The following PLA2G4A variants were observed in gnomAD, a reference collection of about 807,000 sequenced individuals.
PLA2G4A encodes the protein cytosolic phospholipase A2.
Under a neutral mutation model 81.9 loss-of-function variants are expected in PLA2G4A, and 40 were observed. The ratio of observed to expected loss-of-function variants is 0.49; its 90% CI spans 0.38 to 0.64. PLA2G4A has a LOEUF of 0.64. Ranked by LOEUF, PLA2G4A falls within the 30% of genes least tolerant of loss-of-function variation. PLA2G4A has a pLI of 0.00. For missense variants in PLA2G4A, 715 were observed against 905.1 expected, an observed-to-expected ratio of 0.79 and a Z score of 2.69; for synonymous variants, 302 against 296.9, an observed-to-expected ratio of 1.02 and a Z score of -0.18.
At chr1:186,953,554 T>G (rs1476148672) in intron 13 of PLA2G4A, among the ~76,000 whole-genome samples, 1 of 152,352 alleles carries the variant, frequency 6.6e-6, no homozygotes, top group African/African-American at 2.4e-5. Context: ...TGTTTAGTCA[T>G]ATGATTTTGA....
chr1:186,987,134 C>T (rs537599133), intron 17 of PLA2G4A, among the ~76,000 whole-genome samples: 5 of 152,306 alleles, frequency 3.3e-5, no homozygotes, highest in Admixed American at 2.0e-4. Context: ...GACATAAAGT[C>T]ACAGAAAAAT....
chr1:186,934,040 T>G (rs1331877666), intron 8 of PLA2G4A, among the ~76,000 whole-genome samples: 2 of 152,150 alleles, frequency 1.3e-5, no homozygotes, highest in African/African-American at 2.4e-5. Context: ...ATTTATTTCT[T>G]CTGAAGGAAG....
chr1:186,949,609 A>T (rs1656479222), intron 12 of PLA2G4A, among the ~76,000 whole-genome samples: 1 of 152,168 alleles, frequency 6.6e-6, no homozygotes, highest in South Asian at 2.1e-4. Context: ...ATTTAATCAA[A>T]TTTTTTATGT....
At chr1:186,937,339 T>C (rs1272046125) in intron 8 of PLA2G4A, among the ~76,000 whole-genome samples, 1 of 151,870 alleles carries the variant, frequency 6.6e-6, no homozygotes, top group Admixed American at 6.6e-5. Context: ...TATGAGAAGG[T>C]CCAGAATATC....
intron 3 of PLA2G4A, among the ~76,000 whole-genome samples, chr1:186,882,082 C>T (rs1030651239): frequency 6.6e-6 from 1 of 152,146 alleles, no homozygotes; most frequent in Non-Finnish European, 1.5e-5. Context: ...TGAACTTGCT[C>T]AGCTCACTAA....
At chr1:186,841,877 G>A (rs552543223) in intron 1 of PLA2G4A, among the ~76,000 whole-genome samples, 35 of 152,224 alleles carry the variant, frequency 2.3e-4, no homozygotes, top group African/African-American at 7.5e-4. Context: ...GAAGTGGTTA[G>A]ACGTTATCCT....
intron 17 of PLA2G4A, among the ~76,000 whole-genome samples, chr1:186,983,072 A>G (rs1294540183): frequency 6.8e-6 from 1 of 146,006 alleles, no homozygotes; most frequent in Non-Finnish European, 1.5e-5. Context: ...TGACAGAGCA[A>G]GAGTCTGTCT....
chr1:186,885,890 G>T (rs1653919470), intron 3 of PLA2G4A, among the ~76,000 whole-genome samples: 1 of 151,992 alleles, frequency 6.6e-6, no homozygotes, highest in African/African-American at 2.4e-5. Flanking sequence ...ATAAAATATA[G>T]AATAAAAAGC....
At chr1:186,893,294 T>C (rs1654211814) in intron 4 of PLA2G4A, 135 bp downstream of exon 4, 1 of 794,474 alleles carries the variant, frequency 1.3e-6, no homozygotes, top group Non-Finnish European at 2.2e-6. Context: ...TAGACTAGAA[T>C]CTAAATGGTG....
At chr1:186,895,039 G>A (rs1437254355) in intron 5 of PLA2G4A, among the ~76,000 whole-genome samples, 1 of 152,096 alleles carries the variant, frequency 6.6e-6, no homozygotes, top group Non-Finnish European at 1.5e-5. Flanking sequence ...TTAACTCTCA[G>A]CTTCTCCATG....
At chr1:186,889,182 A>G (rs1654044977) in intron 3 of PLA2G4A, among the ~76,000 whole-genome samples, 1 of 152,034 alleles carries the variant, frequency 6.6e-6, no homozygotes, top group Non-Finnish European at 1.5e-5. Context: ...TTTGTTCTCT[A>G]ATTTGTATTC....
intron 2 of PLA2G4A, among the ~76,000 whole-genome samples, chr1:186,859,680 G>T (rs1385256771): frequency 1.3e-5 from 2 of 152,034 alleles, no homozygotes; most frequent in Non-Finnish European, 2.9e-5. Context: ...CAAAAATATA[G>T]AAAGCTATTA....
At chr1:186,839,386 G>A (rs1651898382) in intron 1 of PLA2G4A, among the ~76,000 whole-genome samples, 1 of 152,062 alleles carries the variant, frequency 6.6e-6, no homozygotes, top group Admixed American at 6.5e-5. Flanking sequence ...TCCTGGTCCT[G>A]TCCATATTTG....
At chr1:186,944,572 G>C (rs1656271334) in intron 10 of PLA2G4A, among the ~76,000 whole-genome samples, 1 of 152,098 alleles carries the variant, frequency 6.6e-6, no homozygotes, top group Admixed American at 6.6e-5. Flanking sequence ...ACCACTTTCT[G>C]ATGAAGAATA....
At chr1:186,943,121 A>C (rs1656216771) in intron 10 of PLA2G4A, among the ~76,000 whole-genome samples, 1 of 152,220 alleles carries the variant, frequency 6.6e-6, no homozygotes, top group Non-Finnish European at 1.5e-5. Context: ...TATTTTTAAA[A>C]GTCAAATAAT....
At chr1:186,890,181 C>T (rs529080071) in intron 3 of PLA2G4A, among the ~76,000 whole-genome samples, 95 of 152,208 alleles carry the variant, frequency 6.2e-4, no homozygotes, top group African/African-American at 2.0e-3. Context: ...ACCTGTTAAA[C>T]GGGAAAGTCA....
chr1:186,851,331 G>A lies in PLA2G4A; in HGVS notation c.-69-2955G>A, dbSNP rs568013668. 5.3e-5 allele frequency among the ~76,000 whole-genome samples: 8 copies of A among 152,090 alleles called. No homozygotes were observed. In the South Asian group the frequency reaches 1.7e-3, roughly 32 times the overall value. On this transcript the variant is annotated intron_variant, in intron 1 of 17. Coordinates refer to ENST00000367466, the MANE Select transcript of PLA2G4A (RefSeq NM_024420.3). ...AGGCTTCATGCTCTTGGGCCTAGGA[G>A]CTTTATGTGGACCATCATATGCATA... is the stretch of plus-strand genomic sequence containing the variant.
chr1:186,865,860 T>C (rs1653008743), intron 2 of PLA2G4A, among the ~76,000 whole-genome samples: 2 of 152,208 alleles, frequency 1.3e-5, no homozygotes, highest in Admixed American at 6.5e-5. Context: ...GCTGTTTTCC[T>C]ACTGAATAGA....
At chr1:186,920,979 A>G (rs986137729) in intron 7 of PLA2G4A, among the ~76,000 whole-genome samples, 22 of 152,218 alleles carry the variant, frequency 1.4e-4, no homozygotes, top group Non-Finnish European at 3.1e-4. Context: ...TTTCAGGGCT[A>G]TTTGGATCAA....
Sources: gnomAD v4.1 joint callset for allele counts (sites outside exome capture counted in the v4.1 genomes callset) on GRCh38, gnomAD v4.1.1 for gene constraint, MANE v1.5 for transcripts, NCBI Gene and HGNC (gene_info 2026-07-23, HGNC 2026-07-21) for gene names.